SSBP2: variants seen among roughly 807,000 people sequenced by gnomAD.
SSBP2 encodes single-stranded DNA-binding protein 2.
SSBP2 carries 17 observed loss-of-function variants against 61.8 expected under a neutral mutation model. The ratio of observed to expected loss-of-function variants is 0.28; its 90% CI spans 0.19 to 0.41. The LOEUF is 0.41. Ranked by LOEUF, SSBP2 falls within the 10% of genes least tolerant of loss-of-function variation. SSBP2 has a pLI of 1.00. For synonymous variants in SSBP2, 139 were observed against 141.3 expected (o/e 0.98, Z 0.12); for missense variants, 310 against 458.7 (o/e 0.68, Z 2.96).
At chr5:81,442,517 G>T (rs1467412793) in intron 13 of SSBP2, 136 bp downstream of exon 13, 1 of 547,418 alleles carries the variant, frequency 1.8e-6, no homozygotes, top group East Asian at 3.5e-5. Context: ...TCAGAGAAAA[G>T]AATTTGACTT....
chr5:81,694,349 G>C (rs934359243), intron 1 of SSBP2, among the ~76,000 whole-genome samples: 2 of 152,060 alleles, frequency 1.3e-5, no homozygotes, highest in African/African-American at 4.8e-5. Context: ...CAAAATAAAA[G>C]AATAAATGCT....
chr5:81,573,529 G>A (rs904033283), intron 4 of SSBP2, among the ~76,000 whole-genome samples: 2 of 152,160 alleles, frequency 1.3e-5, no homozygotes, highest in Non-Finnish European at 2.9e-5. Flanking sequence ...TATGAAAAGA[G>A]GCATAGATAT....
intron 1 of SSBP2, among the ~76,000 whole-genome samples, chr5:81,682,743 C>T (rs942333839): frequency 1.3e-5 from 2 of 152,028 alleles, no homozygotes; most frequent in Admixed American, 6.6e-5. Flanking sequence ...TCACAGATGA[C>T]ATAATCATCT....
chr5:81,616,809 G>C (rs1581177285), intron 3 of SSBP2, among the ~76,000 whole-genome samples: 1 of 152,236 alleles, frequency 6.6e-6, no homozygotes, highest in Admixed American at 6.5e-5. Flanking sequence ...GCCCCGAGCA[G>C]CCTAACTGGG....
chr5:81,575,071 C>G (rs1215797901), intron 4 of SSBP2, among the ~76,000 whole-genome samples: 1 of 152,098 alleles, frequency 6.6e-6, no homozygotes, highest in Non-Finnish European at 1.5e-5. Context: ...AGATCAAGAC[C>G]ATCCTGGCCA....
chr5:81,597,178 C>G (rs536538466), intron 4 of SSBP2, among the ~76,000 whole-genome samples: 11 of 152,258 alleles, frequency 7.2e-5, no homozygotes, highest in Admixed American at 3.9e-4. Flanking sequence ...AAACAAACAA[C>G]CCCATCAAAA....
At chr5:81,692,599 TCAAATTATACTACACAG>T (rs1284450551) in intron 1 of SSBP2, among the ~76,000 whole-genome samples, 10 of 152,110 alleles carry the variant, frequency 6.6e-5, no homozygotes, top group African/African-American at 2.2e-4. Flanking sequence ...TTACCTGACT[TCAAATTATACTACACAG>T]CTATAGTAAC....
intron 4 of SSBP2, among the ~76,000 whole-genome samples, chr5:81,558,716 T>C (rs1772795846): frequency 6.6e-6 from 1 of 152,260 alleles, no homozygotes; most frequent in Non-Finnish European, 1.5e-5. Flanking sequence ...GTTAAACTTG[T>C]ATTTTGCTTT....
chr5:81,445,164 ATATATATATATATG>A (rs1294023932), intron 12 of SSBP2, among the ~76,000 whole-genome samples: 2,024 of 99,706 alleles, frequency 0.02, 359 homozygotes, highest in African/African-American at 0.066. Context: ...ATATATATAT[ATATATATATATATG>A]TATGTATTTA....
At chr5:81,491,847 G>A (rs148914293) in intron 5 of SSBP2, among the ~76,000 whole-genome samples, 105 of 152,272 alleles carry the variant, frequency 6.9e-4, no homozygotes, top group African/African-American at 2.4e-3. Context: ...TATGGTTAAA[G>A]TATTTTTAAC....
intron 4 of SSBP2, among the ~76,000 whole-genome samples, chr5:81,551,329 T>C (rs1482743686): frequency 6.6e-6 from 1 of 152,134 alleles, no homozygotes; most frequent in Non-Finnish European, 1.5e-5. Flanking sequence ...TCTGATAATT[T>C]TATTTGCAGA....
At position 81,615,536 on chromosome 5, in the gene SSBP2, A is replaced by C; in HGVS notation, c.219T>G (p.Cys73Trp). Residue 73 changes from cysteine (C) to tryptophan (W), a missense_variant, in exon 4 of 17, where the codon TGT becomes TGG. Physicochemically the swap from Cys to Trp is radical, Grantham distance 215. Around this residue, in one of 4 missense-constraint regions of SSBP2, gnomAD observed 209 missense variants for 286.4 expected, o/e 0.73. Coordinates refer to ENST00000320672, the MANE Select transcript of SSBP2 (RefSeq NM_012446.5). ...ATGTTTCACGTCTCTCTGGAGCTGC[A>C]CAGTAGAGATCCCAAAATACACTAA... is the stretch of plus-strand genomic sequence containing the variant. 6.2e-7 allele frequency: 1 copy of C among 1,613,340 alleles called. No individual in the cohort carries two copies. Among genetic ancestry groups the C allele is most frequent in the Non-Finnish European group, 8.5e-7 (1 of 1,179,544 alleles).
chr5:81,555,758 A>C (rs1331870185), intron 4 of SSBP2, among the ~76,000 whole-genome samples: 1 of 152,200 alleles, frequency 6.6e-6, no homozygotes, highest in African/African-American at 2.4e-5. Flanking sequence ...AGATCAATGT[A>C]CAATCTGTAT....
chr5:81,556,650 G>A (rs930377654), intron 4 of SSBP2, among the ~76,000 whole-genome samples: 1 of 152,030 alleles, frequency 6.6e-6, no homozygotes, highest in Non-Finnish European at 1.5e-5. Context: ...GCCTTTTCAT[G>A]AAATCCTTAT....
At chr5:81,608,118 C>T (rs1340893356) in intron 4 of SSBP2, among the ~76,000 whole-genome samples, 1 of 152,022 alleles carries the variant, frequency 6.6e-6, no homozygotes, top group African/African-American at 2.4e-5. Flanking sequence ...TTAATTTAAC[C>T]CACTCTTATC....
chr5:81,475,003 T>G (rs767265649), intron 6 of SSBP2, among the ~76,000 whole-genome samples: 3 of 152,216 alleles, frequency 2.0e-5, no homozygotes, highest in Admixed American at 6.5e-5. Context: ...GAAAATTGTT[T>G]TGTAGTCACA....
chr5:81,465,580 A>T (rs1764836112), intron 9 of SSBP2, among the ~76,000 whole-genome samples: 1 of 152,066 alleles, frequency 6.6e-6, no homozygotes, highest in African/African-American at 2.4e-5. Flanking sequence ...TTATTGAATG[A>T]TCATTCTGGG....
intron 4 of SSBP2, among the ~76,000 whole-genome samples, chr5:81,609,048 G>C (rs538809161): frequency 6.6e-6 from 1 of 152,238 alleles, no homozygotes; most frequent in East Asian, 1.9e-4. Flanking sequence ...GAAATGCTTT[G>C]GTTAAAAGAG....
intron 8 of SSBP2, among the ~76,000 whole-genome samples, chr5:81,472,661 G>A (rs548187921): frequency 1.9e-4 from 29 of 152,072 alleles, no homozygotes; most frequent in African/African-American, 7.0e-4. Context: ...GTGCAATGGC[G>A]CGATCTTGTC....
Sources: allele counts gnomAD v4.1 joint callset (sites outside exome capture counted in the v4.1 genomes callset), GRCh38; gene constraint gnomAD v4.1.1; regional missense constraint gnomAD v4.1.1; transcripts MANE v1.5; gene names NCBI Gene and HGNC (gene_info 2026-07-23, HGNC 2026-07-21).